The following B3GALT1 variants were observed in gnomAD, a reference collection of about 807,000 sequenced individuals.
B3GALT1 encodes beta-1,3-galactosyltransferase 1.
A neutral mutation model predicts 23.2 loss-of-function variants in B3GALT1; 10 were observed. The observed-to-expected ratio is 0.43, with a 90% CI of 0.27 to 0.73. The LOEUF is 0.73. Ranked by LOEUF, B3GALT1 falls within the 30% of genes least tolerant of loss-of-function variation. The pLI is 0.21. For synonymous variants in B3GALT1, 156 were observed against 141.5 expected, an observed-to-expected ratio of 1.10 and a Z score of -0.73; for missense variants, 299 against 405.4, an observed-to-expected ratio of 0.74 and a Z score of 2.25.
intron 2 of B3GALT1, among the ~76,000 whole-genome samples, chr2:167,584,719 C>G (rs1236274941): frequency 2.0e-5 from 3 of 152,120 alleles, no homozygotes; most frequent in African/African-American, 7.2e-5. Context: ...GCTAGAGTGA[C>G]TCACAGAACT....
At chr2:167,867,902 C>G (rs992560419) in intron 4 of B3GALT1, among the ~76,000 whole-genome samples, 4 of 152,172 alleles carry the variant, frequency 2.6e-5, no homozygotes, top group Non-Finnish European at 5.9e-5. Context: ...AATTTGAACA[C>G]CAGCTGAAGT....
intron 4 of B3GALT1, among the ~76,000 whole-genome samples, chr2:167,840,223 A>G (rs1433202356): frequency 6.6e-6 from 1 of 151,830 alleles, no homozygotes; most frequent in Non-Finnish European, 1.5e-5. Flanking sequence ...AAAAGAAACT[A>G]CCATCAGAGT....
intron 2 of B3GALT1, among the ~76,000 whole-genome samples, chr2:167,555,293 C>A (rs1032594585): frequency 6.6e-6 from 1 of 152,180 alleles, no homozygotes; most frequent in East Asian, 1.9e-4. Context: ...ACACATAAAT[C>A]TCACCATAGT....
At chr2:167,690,606 A>G (rs1227234345) in intron 3 of B3GALT1, among the ~76,000 whole-genome samples, 1 of 152,136 alleles carries the variant, frequency 6.6e-6, no homozygotes, top group Non-Finnish European at 1.5e-5. Flanking sequence ...CCATTTTCAA[A>G]CAATTCTGTG....
At chr2:167,747,808 T>C (rs956192506) in intron 3 of B3GALT1, among the ~76,000 whole-genome samples, 3 of 152,202 alleles carry the variant, frequency 2.0e-5, no homozygotes, top group African/African-American at 7.2e-5. Context: ...GGCGTCAGAA[T>C]GGGCTAGAGG....
Position 167,653,889 on chromosome 2 carries a change from G to T in B3GALT1, c.-352+6923G>T, listed in dbSNP as rs144420375. 2.4e-3 allele frequency among the ~76,000 whole-genome samples: 372 copies of T among 152,276 alleles called. 2 individuals carry two copies. Among genetic ancestry groups the T allele is most frequent in the African/African-American group, 8.7e-3 (362 of 41,566 alleles). On this transcript the variant is annotated intron_variant, in intron 3 of 4. Coordinates refer to ENST00000392690, the MANE Select transcript of B3GALT1 (RefSeq NM_020981.4). ...CAGCAGCCATCCAAGGTCCCACCAT[G>T]CATTCTTCAGTCTTATGAGTTATTT...
chr2:167,493,861 T>C (rs1699743022), intron 2 of B3GALT1, among the ~76,000 whole-genome samples: 1 of 152,198 alleles, frequency 6.6e-6, no homozygotes, highest in South Asian at 2.1e-4. Flanking sequence ...AATATCTGAT[T>C]AATTTTGTAG....
chr2:167,583,037 A>C (rs947494436), intron 2 of B3GALT1, among the ~76,000 whole-genome samples: 1 of 152,150 alleles, frequency 6.6e-6, no homozygotes, highest in Non-Finnish European at 1.5e-5. Context: ...GTTAGTAAGC[A>C]TCTACCCCAC....
At chr2:167,352,275 TTTTTG>T (rs1485020288) in intron 1 of B3GALT1, among the ~76,000 whole-genome samples, 222 of 4,744 alleles carry the variant, frequency 0.047, 1 homozygote, top group East Asian at 0.13. Context: ...CCTGTTTTTT[TTTTTG>T]TTTTTTTTTT....
chr2:167,572,090 A>G (rs1684303477), intron 2 of B3GALT1, among the ~76,000 whole-genome samples: 1 of 151,776 alleles, frequency 6.6e-6, no homozygotes, highest in African/African-American at 2.4e-5. Context: ...ATGTTATTAG[A>G]AGTCAATAAT....
intron 3 of B3GALT1, among the ~76,000 whole-genome samples, chr2:167,677,051 T>C (rs1441457193): frequency 6.6e-6 from 1 of 152,120 alleles, no homozygotes; most frequent in East Asian, 1.9e-4. Context: ...GAGAATAAAA[T>C]AGTGGTTATC....
At chr2:167,665,630 A>G (rs1405943189) in intron 3 of B3GALT1, among the ~76,000 whole-genome samples, 1 of 151,846 alleles carries the variant, frequency 6.6e-6, no homozygotes, top group Non-Finnish European at 1.5e-5. Flanking sequence ...GATTATTGCC[A>G]CAATTTCAGA....
intron 3 of B3GALT1, among the ~76,000 whole-genome samples, chr2:167,757,630 T>G (rs1452872728): frequency 6.6e-6 from 1 of 152,162 alleles, no homozygotes; most frequent in Non-Finnish European, 1.5e-5. Flanking sequence ...CATTGTAATC[T>G]TAGGACAGGA....
At chr2:167,474,465 T>G (rs1290909256) in intron 1 of B3GALT1, among the ~76,000 whole-genome samples, 2 of 152,186 alleles carry the variant, frequency 1.3e-5, no homozygotes, top group Non-Finnish European at 2.9e-5. Flanking sequence ...GTATTGTCTC[T>G]GGTCTGTATT....
intron 2 of B3GALT1, among the ~76,000 whole-genome samples, chr2:167,516,281 C>G (rs1440856769): frequency 6.6e-6 from 1 of 152,104 alleles, no homozygotes; most frequent in Non-Finnish European, 1.5e-5. Flanking sequence ...ACCAATGGCC[C>G]TGACAGTATC....
chr2:167,747,030 T>G (rs1687663610), intron 3 of B3GALT1, among the ~76,000 whole-genome samples: 1 of 152,170 alleles, frequency 6.6e-6, no homozygotes, highest in Non-Finnish European at 1.5e-5. Flanking sequence ...CTTCCCCATA[T>G]CGTACCTCCA....
chr2:167,369,958 TAGTA>T (rs1194921180), intron 1 of B3GALT1, among the ~76,000 whole-genome samples: 2 of 152,202 alleles, frequency 1.3e-5, no homozygotes, highest in Non-Finnish European at 2.9e-5. Flanking sequence ...TAAATATAAA[TAGTA>T]AGCCAGAAGA....
chr2:167,747,076 G>A lies in B3GALT1; in HGVS notation c.-351-71596G>A, dbSNP rs72876877. Among the ~76,000 whole-genome samples the A allele has an allele frequency of 7.3e-3, 1,107 of 152,028 alleles. 9 individuals are homozygous for A. The highest frequency in any genetic ancestry group is 0.011 in the Non-Finnish European group (775 of 67,990). ...TTCCGATGATTTAAAGCATTGTGTC[G>A]ACATTTTTCCCTTTTATAATGAGTT... On this transcript the variant is annotated intron_variant, in intron 3 of 4. Transcript: ENST00000392690.
chr2:167,663,233 G>C (rs970772640), intron 3 of B3GALT1, among the ~76,000 whole-genome samples: 2 of 151,106 alleles, frequency 1.3e-5, no homozygotes, highest in South Asian at 2.1e-4. Flanking sequence ...TCTTGCGATA[G>C]TTTACTGAGA....
Sources: allele counts gnomAD v4.1 joint callset (sites outside exome capture counted in the v4.1 genomes callset), GRCh38; gene constraint gnomAD v4.1.1; transcripts MANE v1.5; gene names NCBI Gene and HGNC (gene_info 2026-07-23, HGNC 2026-07-21).